Variants in TUBA4A observed in about 807,000 individuals in gnomAD.
The protein encoded by TUBA4A is tubulin alpha-4A chain.
In TUBA4A, 23 loss-of-function variants were observed where a neutral mutation model predicts 34.3. The ratio of observed to expected loss-of-function variants is 0.67; its 90% CI spans 0.48 to 0.95. The LOEUF (loss-of-function observed/expected upper bound fraction) is 0.95, where lower values mean the gene tolerates loss of function less well. Among genes scored for constraint, TUBA4A ranks in the 40% least tolerant of loss-of-function variants. TUBA4A has a pLI of 0.00. For missense variants in TUBA4A, 279 were observed against 599.0 expected (o/e 0.47, Z 5.58); for synonymous variants, 216 against 230.5 (o/e 0.94, Z 0.57).
chr2:219,250,259 A>G lies in TUBA4A; in HGVS notation c.*93T>C. ...TGAAGGGGAAGGCAGCAGAAGCTCA[A>G]GCACTCAGAGGGAACAAGAAACCGT... On this transcript the variant is annotated 3_prime_UTR_variant, in exon 4 of 4. Coordinates refer to ENST00000248437, the MANE Select transcript of TUBA4A (RefSeq NM_006000.3). The surrounding 1 kb of genome is among the most constrained non-coding windows in gnomAD (Gnocchi z 8.4). The G allele has an allele frequency of 1.3e-6, 2 of 1,512,380 alleles. No homozygotes were observed. Among genetic ancestry groups the G allele is most frequent in the Non-Finnish European group, 1.8e-6 (2 of 1,123,348 alleles). 93.7% of individuals were successfully genotyped at this position (1,512,380 alleles called of 1,614,324 possible). A position where few individuals can be genotyped will look rare whatever the true frequency, so the allele number is the denominator to read the frequency against.
Position 219,253,836 on chromosome 2 carries a change from C to A in TUBA4A, c.3+20G>T, listed in dbSNP as rs1177022464. 6.6e-7 allele frequency: 1 copy of A among 1,513,226 alleles called. No homozygotes were observed. The highest frequency in any genetic ancestry group is 8.8e-7 in the Non-Finnish European group (1 of 1,134,248). 93.7% of individuals were successfully genotyped at this position (1,513,226 alleles called of 1,614,324 possible). ...GGGGCAATTAGGGGACAGGCGCGAC[C>A]CCGGCCGGGCCGCACTCACCATGGT... On this transcript the variant is annotated intron_variant, in intron 1 of 3. Coordinates refer to ENST00000248437, the MANE Select transcript of TUBA4A (RefSeq NM_006000.3).
chr2:219,252,318 A>C lies in TUBA4A; in HGVS notation c.4-88T>G. 1 of 1,258,196 alleles carries C rather than the reference A, an allele frequency of 7.9e-7. No individual in the cohort carries two copies. The highest frequency in any genetic ancestry group is 1.1e-6 in the Non-Finnish European group (1 of 891,588). The allele number at this position is 1,258,196 out of a possible 1,614,324, so 77.9% of individuals were successfully genotyped here. ...TCTCTCTTCCACCCTATCATCTACC[A>C]GCTAGGATGACTCAGTTGGCAAGAG... On this transcript the variant is annotated intron_variant, in intron 1 of 3. Transcript: ENST00000248437. The surrounding 1 kb of genome is among the most constrained non-coding windows in gnomAD (Gnocchi z 4.1).
upstream of TUBA4A, chr2:219,254,119 C>T (rs534607715): frequency 5.0e-5 from 20 of 402,862 alleles, no homozygotes; most frequent in East Asian, 5.5e-4. Flanking sequence ...TTAAGAGTCG[C>T]GATTCGGGCT....
Position 219,250,553 on chromosome 2 carries a change from G to C in TUBA4A, c.1146C>G (p.Thr382=). ...GGCGGGCCCAGGCCTCGGCGATGGC[G>C]GTCGTGTTGCTCAGCATGCACACGG... is the stretch of plus-strand genomic sequence containing the variant. ...QRAVCMLSNT[T]AIAEAWARLD... The change falls in exon 4 of 4, where the codon ACC becomes ACG. Residue 382 remains threonine (T), a synonymous_variant. Coordinates refer to ENST00000248437, the MANE Select transcript of TUBA4A (RefSeq NM_006000.3). This position sits in a 1 kb window ranked among gnomAD's most constrained non-coding sequence, Gnocchi z 8.4. 6.2e-7 allele frequency: 1 copy of C among 1,614,204 alleles called. No homozygotes were observed. Among genetic ancestry groups the C allele is most frequent in the South Asian group, 1.1e-5 (1 of 91,084 alleles).
Position 219,249,957 on chromosome 2 carries a change from T to G in TUBA4A, c.*395A>C. On this transcript the variant is annotated 3_prime_UTR_variant, in exon 4 of 4. Transcript: ENST00000248437. Reference sequence around the variant, plus strand: ...AAGCCTTGCTTCCAGAGTTGGTAAATGTAGAGGCAGCAGGAAGAACAGGGT... The same window carrying G: ...AAGCCTTGCTTCCAGAGTTGGTAAAGGTAGAGGCAGCAGGAAGAACAGGGT... 5.7e-6 allele frequency: 1 copy of G among 175,500 alleles called. No individual in the cohort carries two copies. Among genetic ancestry groups the G allele is most frequent in the South Asian group, 1.2e-4 (1 of 8,076 alleles). 10.9% of individuals were successfully genotyped at this position (175,500 alleles called of 1,614,324 possible). A position where few individuals can be genotyped will look rare whatever the true frequency, so the allele number is the denominator to read the frequency against.
Position 219,251,715 on chromosome 2 carries a change from T to G in TUBA4A, c.227-2A>C. On this transcript the variant is annotated splice_acceptor_variant, in intron 2 of 3. Coordinates refer to ENST00000248437, the MANE Select transcript of TUBA4A (RefSeq NM_006000.3). LOFTEE classifies it high-confidence loss of function. The surrounding 1 kb of genome is among the most constrained non-coding windows in gnomAD (Gnocchi z 6.1). ...GGTATGGGCCATTTCGGATCTCATC[T>G]GGAAGGGCAAAAACCACAAAGCTAT... 1 of 1,612,168 alleles carries G rather than the reference T, an allele frequency of 6.2e-7. No individual in the cohort carries two copies. Among genetic ancestry groups the G allele is most frequent in the Non-Finnish European group, 8.5e-7 (1 of 1,178,706 alleles).
chr2:219,251,920 G>C lies in TUBA4A; in HGVS notation c.226+88C>G. ...TACGGCTAGGAATTTTCAGGGCTAG[G>C]AATGCCTGGTCTAAATACCCTCTCT... is the stretch of plus-strand genomic sequence containing the variant. On this transcript the variant is annotated intron_variant, in intron 2 of 3. Coordinates refer to ENST00000248437, the MANE Select transcript of TUBA4A (RefSeq NM_006000.3). This position sits in a 1 kb window ranked among gnomAD's most constrained non-coding sequence, Gnocchi z 6.1. 2 of 1,445,190 alleles carry C rather than the reference G, an allele frequency of 1.4e-6. No homozygotes were observed. The allele number at this position is 1,445,190 out of a possible 1,614,324, so 89.5% of individuals were successfully genotyped here. A position where few individuals can be genotyped will look rare whatever the true frequency, so the allele number is the denominator to read the frequency against.
At position 219,252,313 on chromosome 2, in the gene TUBA4A, C is replaced by T. The variant is rs1236164106; in HGVS notation, c.4-83G>A. On this transcript the variant is annotated intron_variant, in intron 1 of 3. Transcript: ENST00000248437. The surrounding 1 kb of genome is among the most constrained non-coding windows in gnomAD (Gnocchi z 4.1). Reference sequence around the variant, plus strand: ...GCGAGTCTCTCTTCCACCCTATCATCTACCAGCTAGGATGACTCAGTTGGC... The same window carrying T: ...GCGAGTCTCTCTTCCACCCTATCATTTACCAGCTAGGATGACTCAGTTGGC... 6.9e-6 allele frequency: 9 copies of T among 1,308,830 alleles called. No individual in the cohort carries two copies. Among genetic ancestry groups the T allele is most frequent in the Non-Finnish European group, 9.7e-6 (9 of 932,254 alleles). The allele number at this position is 1,308,830 out of a possible 1,614,324, so 81.1% of individuals were successfully genotyped here. A position where few individuals can be genotyped will look rare whatever the true frequency, so the allele number is the denominator to read the frequency against.
upstream of TUBA4A, chr2:219,254,104 T>C: frequency 2.4e-6 from 1 of 417,736 alleles, no homozygotes; most frequent in Non-Finnish European, 4.3e-6. Flanking sequence ...CCTGTCCCGC[T>C]GGGATTAAGA....
chr2:219,253,433 T>G, intron 1 of TUBA4A: 2 of 1,504,194 alleles, frequency 1.3e-6, no homozygotes, highest in Non-Finnish European at 1.8e-6. Flanking sequence ...ACCTGACCCC[T>G]TCCACCTTCT....
chr2:219,253,540 G>C, intron 1 of TUBA4A: 1 of 857,074 alleles, frequency 1.2e-6, no homozygotes, highest in Non-Finnish European at 1.9e-6. Context: ...AAAGGACGGG[G>C]CGCGGGCCCG....
chr2:219,253,893 G>T lies in TUBA4A; in HGVS notation c.-35C>A. ...GGGCGGTGCGTCTCACGTTGAGTCGGGGTGACAGGTCTCAGTGAGAACTGC... is the reference window on the plus strand; with the variant it reads ...GGGCGGTGCGTCTCACGTTGAGTCGTGGTGACAGGTCTCAGTGAGAACTGC... On this transcript the variant is annotated 5_prime_UTR_variant, in exon 1 of 4. Transcript: ENST00000248437. 7.0e-7 allele frequency: 1 copy of T among 1,429,218 alleles called. No homozygotes were observed. The allele number at this position is 1,429,218 out of a possible 1,614,324, so 88.5% of individuals were successfully genotyped here.
Position 219,251,589 on chromosome 2 carries a change from T to C in TUBA4A, c.351A>G (p.Pro117=), listed in dbSNP as rs774757044. 21 of 1,613,992 alleles carry C rather than the reference T, an allele frequency of 1.3e-5. No individual in the cohort carries two copies. ...CCAGCTTGCGGATCCGATCCAGCACTGGGTCAATGATCTCCTTGCCAATGG... is the reference window on the plus strand; with the variant it reads ...CCAGCTTGCGGATCCGATCCAGCACCGGGTCAATGATCTCCTTGCCAATGG... ...HYTIGKEIID[P]VLDRIRKLSD... Residue 117 remains proline, a synonymous_variant, in exon 3 of 4, where the codon CCA becomes CCG. Transcript: ENST00000248437. The surrounding 1 kb of genome is among the most constrained non-coding windows in gnomAD (Gnocchi z 6.1).
At chr2:219,253,289 T>A (rs1024853161) in intron 1 of TUBA4A, 1 of 1,508,004 alleles carries the variant, frequency 6.6e-7, no homozygotes. Flanking sequence ...GAGGGCCAGC[T>A]CGCTTCAGGA....
At chr2:219,253,361 G>T (rs1401217878) in intron 1 of TUBA4A, 47 of 1,534,020 alleles carry the variant, frequency 3.1e-5, no homozygotes, top group South Asian at 1.1e-4. Flanking sequence ...TCACGGGGGG[G>T]GGGTGGTTCT....
At chr2:219,253,356 G>GGT in intron 1 of TUBA4A, 2 of 1,462,318 alleles carry the variant, frequency 1.4e-6, no homozygotes, top group South Asian at 2.4e-5. Flanking sequence ...CTGAGTCACG[G>GGT]GGGGGGGGTG....
rs1321764005 is a variant in TUBA4A at position 219,251,867 on chromosome 2, A to G, written c.226+141T>C. 9.7e-6 allele frequency: 13 copies of G among 1,345,004 alleles called. No individual in the cohort carries two copies. Among genetic ancestry groups the G allele is most frequent in the African/African-American group, 1.5e-5 (1 of 68,806 alleles). 83.3% of individuals were successfully genotyped at this position (1,345,004 alleles called of 1,614,324 possible). On this transcript the variant is annotated intron_variant, in intron 2 of 3. Transcript: ENST00000248437. This position sits in a 1 kb window ranked among gnomAD's most constrained non-coding sequence, Gnocchi z 6.1. Reference sequence around the variant, plus strand: ...CAGACCAGCTGCCCAGGCCAGTCTCAGATCAGCTTGCCTTCTGCAGCTTCA... The same window carrying G: ...CAGACCAGCTGCCCAGGCCAGTCTCGGATCAGCTTGCCTTCTGCAGCTTCA...
Position 219,252,290 on chromosome 2 carries a change from G to C in TUBA4A, c.4-60C>G, listed in dbSNP as rs1157892281. The stretch of plus-strand genomic sequence containing the variant: ...CCACATCCACAAGTCCTCACCTTGC[G>C]AGTCTCTCTTCCACCCTATCATCTA... On this transcript the variant is annotated intron_variant, in intron 1 of 3. Coordinates refer to ENST00000248437, the MANE Select transcript of TUBA4A (RefSeq NM_006000.3). The surrounding 1 kb of genome is among the most constrained non-coding windows in gnomAD (Gnocchi z 4.1). The C allele has an allele frequency of 6.8e-7, 1 of 1,480,008 alleles. No homozygotes were observed. The highest frequency in any genetic ancestry group is 9.4e-7 in the Non-Finnish European group (1 of 1,069,358). 91.7% of individuals were successfully genotyped at this position (1,480,008 alleles called of 1,614,324 possible).
In TUBA4A at chr2:219,252,335, T is replaced by A; in HGVS notation, c.4-105A>T. The A allele has an allele frequency of 2.7e-6, 3 of 1,114,626 alleles. No homozygotes were observed. In the South Asian group the frequency reaches 4.4e-5, roughly 16 times the overall value. The allele number at this position is 1,114,626 out of a possible 1,614,324, so 69.0% of individuals were successfully genotyped here. A position where few individuals can be genotyped will look rare whatever the true frequency, so the allele number is the denominator to read the frequency against. On this transcript the variant is annotated intron_variant, in intron 1 of 3. Transcript: ENST00000248437. This position sits in a 1 kb window ranked among gnomAD's most constrained non-coding sequence, Gnocchi z 4.1. ...CATCTACCAGCTAGGATGACTCAGT[T>A]GGCAAGAGTGGAGGGTTGGGGCTGG...
Sources: gnomAD v4.1 joint callset for allele counts on GRCh38, gnomAD v4.1.1 for gene constraint, Gnocchi (gnomAD v3.1) non-coding constraint, MANE v1.5 for transcripts, NCBI Gene and HGNC (gene_info 2026-07-23, HGNC 2026-07-21) for gene names.